Variants in ACOXL observed in about 807,000 individuals in gnomAD.
The protein encoded by ACOXL is acyl-coenzyme A oxidase-like protein.
ACOXL carries 70 observed loss-of-function variants against 71.9 expected under a neutral mutation model. The ratio of observed to expected loss-of-function variants is 0.97; its 90% CI spans 0.80 to 1.19. The LOEUF is 1.19. Among genes scored for constraint, ACOXL ranks in the 50% most tolerant of loss-of-function variants. The pLI is 0.00. For missense variants in ACOXL, 703 were observed against 736.3 expected, an observed-to-expected ratio of 0.95 and a Z score of 0.52; for synonymous variants, 253 against 281.6, an observed-to-expected ratio of 0.90 and a Z score of 1.02.
chr2:111,044,169 C>T (rs1047467043), intron 15 of ACOXL, among the ~76,000 whole-genome samples: 3 of 152,196 alleles, frequency 2.0e-5, no homozygotes, highest in African/African-American at 7.2e-5. Context: ...GCCCTTTGGC[C>T]CACCTCTCTC....
At chr2:111,017,367 T>G (rs2064505143) in intron 14 of ACOXL, among the ~76,000 whole-genome samples, 1 of 152,152 alleles carries the variant, frequency 6.6e-6, no homozygotes, top group Non-Finnish European at 1.5e-5. Flanking sequence ...ACCGCAGAAC[T>G]GAGAAAAGGG....
intron 14 of ACOXL, among the ~76,000 whole-genome samples, chr2:111,012,606 T>C (rs923367584): frequency 1.3e-5 from 2 of 152,224 alleles, no homozygotes; most frequent in African/African-American, 4.8e-5. Flanking sequence ...GTGTATTCTA[T>C]GTTGACAATG....
At chr2:110,919,582 G>A (rs1039764150) in intron 11 of ACOXL, among the ~76,000 whole-genome samples, 19 of 152,028 alleles carry the variant, frequency 1.2e-4, no homozygotes, top group African/African-American at 4.3e-4. Context: ...ATCACACTTT[G>A]TGTTGTATGG....
At chr2:110,953,839 G>A (rs1046856839) in intron 12 of ACOXL, among the ~76,000 whole-genome samples, 3 of 152,078 alleles carry the variant, frequency 2.0e-5, no homozygotes, top group Admixed American at 6.5e-5. Flanking sequence ...GAGAGAAGTC[G>A]GGGGGAGCCA....
rs376721040 is a variant in ACOXL, at chr2:110,783,924, C to T, written c.76-808C>T. On this transcript the variant is annotated intron_variant, in intron 2 of 17. Transcript: ENST00000439055. ...CATGTACAGTGTTTTTGCCATGCCT[C>T]ATTTGTCACTGGTGGAGAAGAGTGT... Among the ~76,000 whole-genome samples the T allele has an allele frequency of 2.6e-5, 4 of 152,300 alleles. 1 individual carries two copies. In the South Asian group the frequency reaches 8.3e-4, roughly 32 times the overall value.
At chr2:111,040,049 C>T (rs1332076372) in intron 15 of ACOXL, among the ~76,000 whole-genome samples, 2 of 152,178 alleles carry the variant, frequency 1.3e-5, no homozygotes. Context: ...TTTATGCAAA[C>T]CCATTCCAGG....
intron 12 of ACOXL, among the ~76,000 whole-genome samples, chr2:110,953,233 C>T (rs1453485231): frequency 6.6e-6 from 1 of 152,056 alleles, no homozygotes; most frequent in African/African-American, 2.4e-5. Context: ...GATTCAAATC[C>T]AGGCTGTTTG....
chr2:110,999,679 C>T (rs952943974), intron 14 of ACOXL, among the ~76,000 whole-genome samples: 3 of 152,174 alleles, frequency 2.0e-5, no homozygotes, highest in African/African-American at 7.2e-5. Context: ...CTGTTGCACT[C>T]TCTCTCTTTA....
At chr2:110,807,400 G>C (rs887016062) in intron 9 of ACOXL, among the ~76,000 whole-genome samples, 6 of 152,306 alleles carry the variant, frequency 3.9e-5, no homozygotes, top group African/African-American at 1.2e-4. Context: ...TGCTGCTGCT[G>C]CCGTTACTGG....
chr2:110,950,068 T>A (rs942400711), intron 12 of ACOXL, among the ~76,000 whole-genome samples: 1 of 152,122 alleles, frequency 6.6e-6, no homozygotes, highest in African/African-American at 2.4e-5. Flanking sequence ...ATTATTATTA[T>A]ACTTTAAGTT....
At chr2:111,011,607 G>A (rs1410572425) in intron 14 of ACOXL, among the ~76,000 whole-genome samples, 1 of 152,192 alleles carries the variant, frequency 6.6e-6, no homozygotes, top group Non-Finnish European at 1.5e-5. Flanking sequence ...CAGGGACCAG[G>A]TGCAGTGGCT....
At chr2:110,827,676 T>C (rs1462982121) in intron 9 of ACOXL, among the ~76,000 whole-genome samples, 1 of 151,888 alleles carries the variant, frequency 6.6e-6, no homozygotes, top group African/African-American at 2.4e-5. Flanking sequence ...GTGGTATCAG[T>C]TGGGTTAGTG....
chr2:110,943,880 G>A (rs1194739250), intron 12 of ACOXL, among the ~76,000 whole-genome samples: 7 of 126,750 alleles, frequency 5.5e-5, no homozygotes, highest in Non-Finnish European at 8.5e-5. Context: ...TCCTGTATGT[G>A]TAGATACCTT....
chr2:110,837,837 A>G (rs778274666), intron 9 of ACOXL, among the ~76,000 whole-genome samples: 4 of 152,212 alleles, frequency 2.6e-5, no homozygotes, highest in African/African-American at 7.2e-5. Context: ...TGTTCTGGCA[A>G]TACTTACAGT....
At chr2:110,866,808 C>G (rs531982829) in intron 10 of ACOXL, among the ~76,000 whole-genome samples, 38 of 152,332 alleles carry the variant, frequency 2.5e-4, no homozygotes, top group African/African-American at 9.1e-4. Flanking sequence ...CACTGACTCA[C>G]TGAGCATAAA....
At chr2:111,041,871 C>T (rs114046765) in intron 15 of ACOXL, among the ~76,000 whole-genome samples, 9 of 152,340 alleles carry the variant, frequency 5.9e-5, no homozygotes, top group Middle Eastern at 3.4e-3. Context: ...CTCTGTCTCC[C>T]GACTTTGTGC....
intron 10 of ACOXL, among the ~76,000 whole-genome samples, chr2:110,855,096 A>G (rs1436551570): frequency 6.6e-6 from 1 of 152,238 alleles, no homozygotes; most frequent in African/African-American, 2.4e-5. Flanking sequence ...TGTTGGAGGC[A>G]AAACTGCTCA....
chr2:110,805,227 T>G (rs1370147947), intron 8 of ACOXL, 36 bp from the exon 9 acceptor site: 5 of 1,612,826 alleles, frequency 3.1e-6, no homozygotes, highest in Non-Finnish European at 4.2e-6. Context: ...TGCTATGTCC[T>G]GCTTTTTTGT....
chr2:110,967,766 T>G (rs984235900), intron 12 of ACOXL: 10 of 606,032 alleles, frequency 1.7e-5, no homozygotes, highest in African/African-American at 3.7e-5. Flanking sequence ...ATGAAAGAAC[T>G]GAAAAACAGG....
Sources: allele counts gnomAD v4.1 joint callset (sites outside exome capture counted in the v4.1 genomes callset), GRCh38; gene constraint gnomAD v4.1.1; transcripts MANE v1.5; gene names NCBI Gene and HGNC (gene_info 2026-07-23, HGNC 2026-07-21).